Variants in MAFF observed in about 807,000 individuals in gnomAD.
MAFF encodes MAF bZIP transcription factor F, also known as transcription factor MafF.
MAFF carries 4 observed loss-of-function variants against 2.7 expected under a neutral mutation model. That is an observed-to-expected ratio of 1.48 (90% CI 0.73 to 3.39). The LOEUF (loss-of-function observed/expected upper bound fraction) is 3.39, where lower values mean the gene tolerates loss of function less well. MAFF is among the 30% of genes most tolerant of loss of function. The probability of loss-of-function intolerance (pLI) is 0.01; values close to 1 mark genes in which losing one functional copy is unlikely to be tolerated. For synonymous variants in MAFF, 113 were observed against 119.4 expected (o/e 0.95, Z 0.35); for missense variants, 190 against 246.6 (o/e 0.77, Z 1.54).
chr22:38,203,831 G>A (rs796515255), intron 1 of MAFF: 51 of 152,410 alleles, frequency 3.3e-4, no homozygotes, highest in African/African-American at 1.2e-3. Flanking sequence ...TGGGTAGAAG[G>A]GGGAAGCTCT....
At chr22:38,206,741 C>A (rs1291712986) in intron 1 of MAFF, among the ~76,000 whole-genome samples, 1 of 152,160 alleles carries the variant, frequency 6.6e-6, no homozygotes, top group Non-Finnish European at 1.5e-5. Context: ...ATGACTTGTG[C>A]ATGAGGCCAG....
At chr22:38,206,765 G>C (rs1211403551) in intron 1 of MAFF, among the ~76,000 whole-genome samples, 14 of 152,176 alleles carry the variant, frequency 9.2e-5, no homozygotes, top group Non-Finnish European at 2.1e-4. Context: ...GTGCCTCTGA[G>C]GTTCTGTATC....
chr22:38,210,799 C>A (rs1186452313), intron 1 of MAFF, among the ~76,000 whole-genome samples: 1 of 152,042 alleles, frequency 6.6e-6, no homozygotes, highest in Non-Finnish European at 1.5e-5. Flanking sequence ...GTGGCTCATG[C>A]CTATAATCCC....
At chr22:38,209,043 G>GT (rs58201998) in intron 1 of MAFF, among the ~76,000 whole-genome samples, 82 of 148,312 alleles carry the variant, frequency 5.5e-4, no homozygotes, top group African/African-American at 1.1e-3. Context: ...ACCATGGAAG[G>GT]TTTTTTTTTT....
intron 1 of MAFF, among the ~76,000 whole-genome samples, chr22:38,212,609 G>A (rs1375003726): frequency 2.0e-5 from 3 of 152,330 alleles, no homozygotes; most frequent in South Asian, 2.1e-4. Context: ...CTGTGGGAGG[G>A]AGGATTAGGA....
chr22:38,212,771 T>A (rs1297680029), intron 1 of MAFF, among the ~76,000 whole-genome samples: 3 of 152,180 alleles, frequency 2.0e-5, no homozygotes, highest in African/African-American at 7.2e-5. Flanking sequence ...CTGGCTGATG[T>A]TGTATCTTAC....
In MAFF at chr22:38,215,245, C is replaced by T. The variant is rs1272541374; in HGVS notation, c.*367C>T. The stretch of plus-strand genomic sequence containing the variant: ...TTATTGTGCCAATATGCCCTCCAAA[C>T]CCTCCCAGGATTCAAAGCTAGGTTT... On this transcript the variant is annotated 3_prime_UTR_variant, in exon 3 of 3. Coordinates refer to ENST00000338483, the MANE Select transcript of MAFF (RefSeq NM_012323.4). The T allele has an allele frequency of 1.4e-5, 3 of 212,834 alleles. No individual in the cohort carries two copies. 13.2% of individuals were successfully genotyped at this position (212,834 alleles called of 1,614,324 possible).
intron 1 of MAFF, among the ~76,000 whole-genome samples, chr22:38,212,157 G>A (rs1338126052): frequency 2.6e-5 from 4 of 152,168 alleles, no homozygotes; most frequent in South Asian, 4.1e-4. Flanking sequence ...GCACCACCAC[G>A]CCTGGGCTAA....
intron 1 of MAFF, among the ~76,000 whole-genome samples, chr22:38,206,434 C>T (rs1283900375): frequency 1.3e-5 from 2 of 150,336 alleles, no homozygotes; most frequent in South Asian, 4.2e-4. Context: ...CTCCACCTCC[C>T]GGGTTCATGC....
chr22:38,213,643 C>G, intron 1 of MAFF, 180 bp from the exon 2 acceptor site: 1 of 681,922 alleles, frequency 1.5e-6, no homozygotes, highest in South Asian at 1.5e-5. Context: ...GTGCACAGCT[C>G]CCGCGGCTGG....
rs1017425110 is a variant in MAFF, at chr22:38,214,917, C to G, written c.*39C>G. ...CATGCCTCAGCCACGCCCCTCCGGC[C>G]TCAGCTCCCTCCCCAAAGTGCCTGA... On this transcript the variant is annotated 3_prime_UTR_variant, in exon 3 of 3. Transcript: ENST00000338483. This position sits in a 1 kb window ranked among gnomAD's most constrained non-coding sequence, Gnocchi z 6.3. 6.9e-7 allele frequency: 1 copy of G among 1,442,984 alleles called. No individual in the cohort carries two copies. Among genetic ancestry groups the G allele is most frequent in the Non-Finnish European group, 9.5e-7 (1 of 1,058,084 alleles). 89.4% of individuals were successfully genotyped at this position (1,442,984 alleles called of 1,614,324 possible).
chr22:38,214,372 G>C lies in MAFF; in HGVS notation c.37-48G>C, dbSNP rs759242425. 47 of 1,496,310 alleles carry C rather than the reference G, an allele frequency of 3.1e-5. 1 individual carries two copies. The East Asian group carries it at 1.1e-3, about 35-fold the overall frequency. The allele number at this position is 1,496,310 out of a possible 1,614,324, so 92.7% of individuals were successfully genotyped here. On this transcript the variant is annotated intron_variant, in intron 2 of 2. Transcript: ENST00000338483. The surrounding 1 kb of genome is among the most constrained non-coding windows in gnomAD (Gnocchi z 6.3). Reference sequence around the variant, plus strand: ...AAGAGGAACACCGCGGGTGGAGCGGGGGGGCCCGTCCCCAGTCCCCTGGAC... The same window carrying C: ...AAGAGGAACACCGCGGGTGGAGCGGCGGGGCCCGTCCCCAGTCCCCTGGAC...
Position 38,210,623 on chromosome 22 carries a change from A to AGTGTGTGTGTGTGTGTGT in MAFF, c.-31-3179_-31-3162dup, listed in dbSNP as rs71195095. ...CCTGAGGTGGGGAAGGGACACAGGG[A>AGTGTGTGTGTGTGTGTGT]GTGTGTGTGTGTGTGTGTGTGTGTG... On this transcript the variant is annotated intron_variant, in intron 1 of 2. Coordinates refer to ENST00000338483, the MANE Select transcript of MAFF (RefSeq NM_012323.4). Among the ~76,000 whole-genome samples, 530 of 132,996 alleles carry AGTGTGTGTGTGTGTGTGT rather than the reference A, an allele frequency of 4.0e-3. 5 individuals carry two copies. The highest frequency in any genetic ancestry group is 6.2e-3 in the Non-Finnish European group (392 of 62,930). 87.3% of individuals were successfully genotyped at this position (132,996 alleles called of 152,430 possible). A position where few individuals can be genotyped will look rare whatever the true frequency, so the allele number is the denominator to read the frequency against.
At chr22:38,208,500 GGAA>G (rs1319393126) in intron 1 of MAFF, among the ~76,000 whole-genome samples, 1 of 152,196 alleles carries the variant, frequency 6.6e-6, no homozygotes, top group African/African-American at 2.4e-5. Context: ...CTGGAGAGGA[GGAA>G]GAATTAGAGA....
At position 38,214,824 on chromosome 22, in the gene MAFF, G is replaced by T. The variant is rs893886901; in HGVS notation, c.441G>T (p.Gly147=). 11 of 1,495,868 alleles carry T rather than the reference G, an allele frequency of 7.4e-6. No homozygotes were observed. The highest frequency in any genetic ancestry group is 8.0e-6 in the Non-Finnish European group (9 of 1,127,258). The allele number at this position is 1,495,868 out of a possible 1,614,324, so 92.7% of individuals were successfully genotyped here. ...ITIVKSTPGS[G]SGPAHGPDPA... ...TCGTCAAGTCCACCCCGGGCTCGGG[G>T]TCTGGCCCCGCCCACGGCCCGGACC... Residue 147 remains glycine, a synonymous_variant, in exon 3 of 3, where the codon GGG becomes GGT. Coordinates refer to ENST00000338483, the MANE Select transcript of MAFF (RefSeq NM_012323.4). The surrounding 1 kb of genome is among the most constrained non-coding windows in gnomAD (Gnocchi z 6.3).
intron 1 of MAFF, among the ~76,000 whole-genome samples, chr22:38,209,180 C>T (rs1349479460): frequency 6.6e-6 from 1 of 152,082 alleles, no homozygotes; most frequent in Non-Finnish European, 1.5e-5. Context: ...ATTCTCCTGC[C>T]TCAGCCTCCT....
intron 1 of MAFF, among the ~76,000 whole-genome samples, chr22:38,210,824 C>A (rs556151170): frequency 6.6e-6 from 1 of 152,022 alleles, no homozygotes; most frequent in Middle Eastern, 3.4e-3. Flanking sequence ...CTTTGGGAGG[C>A]GGAGGCAGGC....
At chr22:38,207,437 T>TC (rs1568997900) in intron 1 of MAFF, among the ~76,000 whole-genome samples, 2 of 108,986 alleles carry the variant, frequency 1.8e-5, no homozygotes, top group Admixed American at 9.4e-5. Flanking sequence ...TTTTTTTTTT[T>TC]TTTTTTTTTT....
intron 1 of MAFF, among the ~76,000 whole-genome samples, chr22:38,212,628 G>A (rs1463622138): frequency 2.6e-5 from 4 of 152,176 alleles, no homozygotes; most frequent in Non-Finnish European, 5.9e-5. Flanking sequence ...GAGATGAGAG[G>A]CCCTCATTGG....
Sources: allele counts gnomAD v4.1 joint callset (sites outside exome capture counted in the v4.1 genomes callset), GRCh38; gene constraint gnomAD v4.1.1; non-coding constraint Gnocchi (gnomAD v3.1); transcripts MANE v1.5; gene names NCBI Gene and HGNC (gene_info 2026-07-23, HGNC 2026-07-21).